Variants in ZNF407 observed in about 807,000 individuals in gnomAD.
ZNF407 encodes zinc finger protein 407.
Under a neutral mutation model 131.2 loss-of-function variants are expected in ZNF407, and 17 were observed. The observed-to-expected ratio is 0.13, with a 90% CI of 0.09 to 0.19. The LOEUF is 0.19. Ranked by LOEUF, ZNF407 falls within the 10% of genes least tolerant of loss-of-function variation. ZNF407 has a pLI of 1.00. For synonymous variants in ZNF407, 1,156 were observed against 1,062.0 expected (o/e 1.09, Z -1.72); for missense variants, 2,681 against 2,830.6 (o/e 0.95, Z 1.20).
chr18:74,767,567 G>C (rs1969264025), intron 3 of ZNF407, among the ~76,000 whole-genome samples: 1 of 151,568 alleles, frequency 6.6e-6, no homozygotes, highest in African/African-American at 2.4e-5. Flanking sequence ...ACAAGACACA[G>C]AGGATATATT....
At chr18:74,763,876 ATTTT>A (rs574697874) in intron 3 of ZNF407, among the ~76,000 whole-genome samples, 4 of 145,668 alleles carry the variant, frequency 2.7e-5, no homozygotes, top group Non-Finnish European at 6.1e-5. Context: ...CGCCCGGCTA[ATTTT>A]TTTTTTGTAT....
chr18:74,781,967 A>T (rs1969611712), intron 4 of ZNF407, among the ~76,000 whole-genome samples: 1 of 152,234 alleles, frequency 6.6e-6, no homozygotes, highest in Admixed American at 6.5e-5. Context: ...TTGCCATGTC[A>T]TGAAAAATAA....
chr18:75,012,174 C>G (rs1474365306), intron 8 of ZNF407, among the ~76,000 whole-genome samples: 1 of 152,060 alleles, frequency 6.6e-6, no homozygotes, highest in Non-Finnish European at 1.5e-5. Flanking sequence ...TTATGGTGTC[C>G]TTGGGCACCT....
At chr18:74,624,012 C>A (rs895936897) in intron 1 of ZNF407, among the ~76,000 whole-genome samples, 1 of 152,120 alleles carries the variant, frequency 6.6e-6, no homozygotes, top group Non-Finnish European at 1.5e-5. Context: ...TAGATACTTG[C>A]CAGGTCTTCT....
chr18:74,605,666 C>G (rs1039709426), intron 1 of ZNF407, among the ~76,000 whole-genome samples: 1 of 152,142 alleles, frequency 6.6e-6, no homozygotes, highest in Non-Finnish European at 1.5e-5. Flanking sequence ...AAATTATATT[C>G]TATATACATG....
intron 7 of ZNF407, among the ~76,000 whole-genome samples, chr18:74,892,670 T>G (rs1183933954): frequency 1.3e-5 from 2 of 152,186 alleles, no homozygotes; most frequent in East Asian, 1.9e-4. Flanking sequence ...AGTTAAAAAT[T>G]TATTAAATCC....
chr18:74,839,074 C>CTTTTGATGAAAGTAACCA (rs536207542), intron 4 of ZNF407, among the ~76,000 whole-genome samples: 241 of 152,108 alleles, frequency 1.6e-3, no homozygotes, highest in Middle Eastern at 0.014. Context: ...CACCCTAAAA[C>CTTTTGATGAAAGTAACCA]GGACAATTTC....
At chr18:74,949,298 A>C (rs1224204776) in intron 8 of ZNF407, among the ~76,000 whole-genome samples, 1 of 152,212 alleles carries the variant, frequency 6.6e-6, no homozygotes, top group Non-Finnish European at 1.5e-5. Context: ...CATTTTGCTC[A>C]TGGTCAGGAT....
chr18:74,980,916 G>A (rs1216941234), intron 8 of ZNF407, among the ~76,000 whole-genome samples: 2 of 152,110 alleles, frequency 1.3e-5, no homozygotes, highest in Admixed American at 6.5e-5. Context: ...ACTGGGGATT[G>A]GAGTATTTTT....
chr18:74,881,790 A>G (rs2554136), intron 6 of ZNF407, among the ~76,000 whole-genome samples: 79,061 of 152,070 alleles, frequency 0.52, 21,168 homozygotes, highest in Non-Finnish European at 0.58. Context: ...TCCTTCATTA[A>G]GAACTGTATT....
At chr18:74,700,902 C>T (rs1967477233) in intron 3 of ZNF407, among the ~76,000 whole-genome samples, 1 of 152,078 alleles carries the variant, frequency 6.6e-6, no homozygotes, top group African/African-American at 2.4e-5. Flanking sequence ...TTAGTGGGAG[C>T]TCTGGACTGA....
intron 3 of ZNF407, among the ~76,000 whole-genome samples, chr18:74,697,580 A>G (rs1170267840): frequency 6.6e-6 from 1 of 152,198 alleles, no homozygotes; most frequent in East Asian, 1.9e-4. Flanking sequence ...TTGAGATCAT[A>G]GAGAAATCAT....
chr18:75,051,678 C>A (rs1413035281), intron 8 of ZNF407, among the ~76,000 whole-genome samples: 4 of 152,190 alleles, frequency 2.6e-5, no homozygotes, highest in African/African-American at 9.7e-5. Context: ...TCTTAGATAT[C>A]CTACCCTTTA....
At chr18:74,822,293 G>T (rs557437029) in intron 4 of ZNF407, among the ~76,000 whole-genome samples, 32 of 151,868 alleles carry the variant, frequency 2.1e-4, no homozygotes, top group Non-Finnish European at 3.5e-4. Flanking sequence ...GTCAATTTTG[G>T]CTTTTGTTGC....
intron 8 of ZNF407, among the ~76,000 whole-genome samples, chr18:75,058,685 C>G (rs1008540117): frequency 6.6e-6 from 1 of 152,186 alleles, no homozygotes; most frequent in Non-Finnish European, 1.5e-5. Context: ...GTTTCCCAAA[C>G]GCTGTATCCA....
At chr18:74,782,899 G>A (rs1004557497) in intron 4 of ZNF407, among the ~76,000 whole-genome samples, 3 of 152,040 alleles carry the variant, frequency 2.0e-5, no homozygotes, top group Non-Finnish European at 2.9e-5. Context: ...GACCGTGCCC[G>A]GCCTATTTCC....
intron 3 of ZNF407, among the ~76,000 whole-genome samples, chr18:74,755,887 T>TTC (rs1555684146): frequency 7.3e-5 from 3 of 41,356 alleles, no homozygotes; most frequent in Non-Finnish European, 1.3e-4. Context: ...TTTCCTTCCT[T>TTC]TTTTTTTTTT....
chr18:74,639,960 G>A (rs980917482), intron 2 of ZNF407, among the ~76,000 whole-genome samples: 1 of 151,566 alleles, frequency 6.6e-6, no homozygotes, highest in South Asian at 2.1e-4. Flanking sequence ...AGCTCTTTTT[G>A]TATATTTATT....
intron 4 of ZNF407, among the ~76,000 whole-genome samples, chr18:74,844,190 C>T (rs1431408824): frequency 6.6e-6 from 1 of 151,980 alleles, no homozygotes; most frequent in Non-Finnish European, 1.5e-5. Context: ...TTGGCTGAGC[C>T]GTGCTTTTCC....
Sources: allele counts gnomAD v4.1 joint callset (sites outside exome capture counted in the v4.1 genomes callset), GRCh38; gene constraint gnomAD v4.1.1; transcripts MANE v1.5; gene names NCBI Gene and HGNC (gene_info 2026-07-23, HGNC 2026-07-21).